Variants in STXBP3 observed in about 807,000 individuals in gnomAD.
STXBP3 encodes the protein syntaxin-binding protein 3.
In STXBP3, 41 loss-of-function variants were observed where a neutral mutation model predicts 85.7. That is an observed-to-expected ratio of 0.48 (90% CI 0.37 to 0.62). STXBP3 has a LOEUF of 0.62. Ranked by LOEUF, STXBP3 falls within the 20% of genes least tolerant of loss-of-function variation. The pLI, the probability that STXBP3 is intolerant of heterozygous loss-of-function variation, is 0.00. For synonymous variants in STXBP3, 229 were observed against 231.7 expected, an observed-to-expected ratio of 0.99 and a Z score of 0.10; for missense variants, 563 against 703.1, an observed-to-expected ratio of 0.80 and a Z score of 2.25.
chr1:108,782,962 G>T (rs1662746773), intron 11 of STXBP3, among the ~76,000 whole-genome samples: 1 of 152,078 alleles, frequency 6.6e-6, no homozygotes, highest in Non-Finnish European at 1.5e-5. Flanking sequence ...GAGTGCAGTT[G>T]CGCCATCTCA....
At chr1:108,786,213 G>A (rs1662821121) in intron 11 of STXBP3, among the ~76,000 whole-genome samples, 1 of 152,178 alleles carries the variant, frequency 6.6e-6, no homozygotes, top group South Asian at 2.1e-4. Flanking sequence ...TAGTCATGGT[G>A]AAAGGCACCT....
rs780412174 is a variant in STXBP3 at position 108,796,403 on chromosome 1, T to C, written c.1249+31T>C. 4 of 1,392,698 alleles carry C rather than the reference T, an allele frequency of 2.9e-6. No individual in the cohort carries two copies. In the South Asian group the frequency reaches 5.2e-5, roughly 18 times the overall value. 86.3% of individuals were successfully genotyped at this position (1,392,698 alleles called of 1,614,324 possible). A position where few individuals can be genotyped will look rare whatever the true frequency, so the allele number is the denominator to read the frequency against. ...GGAGATAATCACTTTTTAATAAGTA[T>C]TTTACTATTGATCATAAAAGAATCT... is the stretch of plus-strand genomic sequence containing the variant. On this transcript the variant is annotated intron_variant, in intron 14 of 18. Coordinates refer to ENST00000370008, the MANE Select transcript of STXBP3 (RefSeq NM_007269.4).
intron 11 of STXBP3, among the ~76,000 whole-genome samples, chr1:108,792,541 T>G (rs1662998368): frequency 6.6e-6 from 1 of 152,240 alleles, no homozygotes; most frequent in African/African-American, 2.4e-5. Context: ...CTCTAGCTAT[T>G]TTGAAATACA....
chr1:108,780,201 G>A (rs2101122568), intron 9 of STXBP3: 1 of 151,164 alleles, frequency 6.6e-6, no homozygotes, highest in South Asian at 2.1e-4. Context: ...TTATGATACT[G>A]TTTTTTTTCT....
intron 3 of STXBP3, 79 bp downstream of exon 3, chr1:108,753,223 G>T: frequency 1.0e-6 from 1 of 977,822 alleles, no homozygotes; most frequent in Non-Finnish European, 1.5e-6. Flanking sequence ...GTTAGTAGTT[G>T]TGTTTCTAAG....
intron 11 of STXBP3, among the ~76,000 whole-genome samples, chr1:108,787,034 A>G (rs1307391916): frequency 6.6e-6 from 1 of 152,114 alleles, no homozygotes; most frequent in Non-Finnish European, 1.5e-5. Context: ...GGTATTTTTT[A>G]AATTCCATTT....
At chr1:108,746,978 G>T (rs1661798255) in intron 1 of STXBP3, among the ~76,000 whole-genome samples, 192 bp downstream of exon 1, 1 of 152,124 alleles carries the variant, frequency 6.6e-6, no homozygotes, top group South Asian at 2.1e-4. Flanking sequence ...GATGGGCGGG[G>T]TGCGACGGGA....
At position 108,805,860 on chromosome 1, in the gene STXBP3, G is replaced by A. The variant is rs115714708; in HGVS notation, c.1536-1541G>A. On this transcript the variant is annotated intron_variant, in intron 17 of 18. Coordinates refer to ENST00000370008, the MANE Select transcript of STXBP3 (RefSeq NM_007269.4). The stretch of plus-strand genomic sequence containing the variant: ...TAGTGCCCTGTGATGATGCTGGTCC[G>A]CAGCTGCTGCACTGTAGCCTAGGCA... Among the ~76,000 whole-genome samples, 437 of 152,138 alleles carry A rather than the reference G, an allele frequency of 2.9e-3. 1 individual carries two copies. Among genetic ancestry groups the A allele is most frequent in the African/African-American group, 0.01 (427 of 41,516 alleles).
chr1:108,770,685 A>G (rs1170574530), intron 6 of STXBP3, among the ~76,000 whole-genome samples: 1 of 152,196 alleles, frequency 6.6e-6, no homozygotes, highest in Non-Finnish European at 1.5e-5. Flanking sequence ...CTTACAATAA[A>G]TTTTCATAGT....
At chr1:108,765,846 ATTTTTTT>A (rs1221460441) in intron 6 of STXBP3, among the ~76,000 whole-genome samples, 1 of 74,016 alleles carries the variant, frequency 1.4e-5, no homozygotes. Flanking sequence ...TGCTCCCGGC[ATTTTTTT>A]TTTTTTTTTT....
At chr1:108,766,500 TC>T (rs1429067317) in intron 6 of STXBP3, among the ~76,000 whole-genome samples, 1 of 152,156 alleles carries the variant, frequency 6.6e-6, no homozygotes, top group Non-Finnish European at 1.5e-5. Context: ...GTGTAAGCTA[TC>T]CTGCTTGGTA....
At chr1:108,796,437 T>C (rs1399311158) in intron 14 of STXBP3, 65 bp downstream of exon 14, 1 of 1,276,722 alleles carries the variant, frequency 7.8e-7, no homozygotes, top group African/African-American at 1.5e-5. Context: ...CTTTGAAAAC[T>C]GAAAGATAGT....
Position 108,746,691 on chromosome 1 carries a change from AG to A in STXBP3, c.-45del. ...CCAACGCCGCTTCTGCGGCCAAAGTAGGTTGGGAGTGGAAGGTGGTGGCTGC... is the reference window on the plus strand; with the variant it reads ...CCAACGCCGCTTCTGCGGCCAAAGTAGTTGGGAGTGGAAGGTGGTGGCTGC... On this transcript the variant is annotated 5_prime_UTR_variant, in exon 1 of 19. Transcript: ENST00000370008. 1 of 1,546,684 alleles carries A rather than the reference AG, an allele frequency of 6.5e-7. No homozygotes were observed. The highest frequency in any genetic ancestry group is 8.7e-7 in the Non-Finnish European group (1 of 1,144,374).
In STXBP3 at chr1:108,765,570, A is replaced by ATTTTTTTTTTTTTTTTTTTTTTT. The variant is rs35813823; in HGVS notation, c.438+5507_438+5508insTTTTTTTTTTTTTTTTTTTTTTT. ...TCATGGTAAAAAGCACCACATGCTAATTTTTTTTTTTTTTTTTTTTTTGAG... is the reference window on the plus strand; with the variant it reads ...TCATGGTAAAAAGCACCACATGCTAATTTTTTTTTTTTTTTTTTTTTTTTTTTTTTTTTTTTTTTTTTTTTGAG... On this transcript the variant is annotated intron_variant, in intron 6 of 18. Transcript: ENST00000370008. Among the ~76,000 whole-genome samples, 2 of 67,168 alleles carry ATTTTTTTTTTTTTTTTTTTTTTT rather than the reference A, an allele frequency of 3.0e-5. 1 individual carries two copies. Among genetic ancestry groups the ATTTTTTTTTTTTTTTTTTTTTTT allele is most frequent in the Non-Finnish European group, 6.2e-5 (2 of 32,162 alleles). 44.1% of individuals were successfully genotyped at this position (67,168 alleles called of 152,430 possible).
chr1:108,765,279 G>A (rs183086107), intron 6 of STXBP3, among the ~76,000 whole-genome samples: 23 of 152,272 alleles, frequency 1.5e-4, no homozygotes, highest in Non-Finnish European at 2.6e-4. Context: ...CTTCTTTTCT[G>A]TTAGGTTCAT....
intron 7 of STXBP3, among the ~76,000 whole-genome samples, chr1:108,773,554 A>G (rs1662518324): frequency 6.6e-6 from 1 of 152,132 alleles, no homozygotes; most frequent in Admixed American, 6.6e-5. Context: ...TTTTTTGCCC[A>G]GTTATTCTAG....
chr1:108,761,011 C>G (rs1662127348), intron 6 of STXBP3, among the ~76,000 whole-genome samples: 1 of 152,088 alleles, frequency 6.6e-6, no homozygotes, highest in African/African-American at 2.4e-5. Flanking sequence ...TCAAGCGATT[C>G]TCCTGCCTCA....
chr1:108,785,840 C>A (rs1266563095), intron 11 of STXBP3, among the ~76,000 whole-genome samples: 1 of 152,196 alleles, frequency 6.6e-6, no homozygotes, highest in African/African-American at 2.4e-5. Context: ...CAAGAGTCAC[C>A]TTTGCTCTAG....
chr1:108,797,859 C>G (rs1663142389), intron 15 of STXBP3, among the ~76,000 whole-genome samples: 1 of 152,080 alleles, frequency 6.6e-6, no homozygotes, highest in Non-Finnish European at 1.5e-5. Context: ...CCTCAGCCTC[C>G]CTAGTAGCTG....
Sources: gnomAD v4.1 joint callset for allele counts (sites outside exome capture counted in the v4.1 genomes callset) on GRCh38, gnomAD v4.1.1 for gene constraint, MANE v1.5 for transcripts, NCBI Gene and HGNC (gene_info 2026-07-23, HGNC 2026-07-21) for gene names.